Variants in CMTR1 observed in about 807,000 individuals in gnomAD.
The protein encoded by CMTR1 is cap-specific mRNA (nucleoside-2'-O-)-methyltransferase 1.
Under a neutral mutation model 107.0 loss-of-function variants are expected in CMTR1, and 39 were observed. The ratio of observed to expected loss-of-function variants is 0.36; its 90% CI spans 0.28 to 0.48. The LOEUF (loss-of-function observed/expected upper bound fraction) is 0.48. Ranked by LOEUF, CMTR1 falls within the 20% of genes least tolerant of loss-of-function variation. The pLI is 0.99. For missense variants in CMTR1, 672 were observed against 1,064.9 expected (o/e 0.63, Z 5.14); for synonymous variants, 366 against 379.5 (o/e 0.96, Z 0.41).
intron 8 of CMTR1, among the ~76,000 whole-genome samples, chr6:37,456,015 TGACCTATA>T (rs1761285468): frequency 6.6e-6 from 1 of 152,232 alleles, no homozygotes; most frequent in Non-Finnish European, 1.5e-5. Context: ...TTCCTGGCCA[TGACCTATA>T]AGGGCCATAC....
Position 37,461,549 on chromosome 6 carries a change from G to A in CMTR1, c.1096G>A (p.Gly366Ser). ...CCCATTCCTTGTGCTCTCATTTCAG[G>A]GTTTCTCGGTGGAGGGGCAGGAGAA... ...KGVHFLMADG[G>S]FSVEGQENLQ... The change falls in exon 11 of 24, where the codon GGT becomes AGT. Residue 366 changes from glycine to serine, a missense_variant and splice_region_variant. Transcript: ENST00000373451. 6.3e-7 allele frequency: 1 copy of A among 1,590,902 alleles called. No homozygotes were observed. The highest frequency in any genetic ancestry group is 1.1e-5 in the South Asian group (1 of 89,988).
chr6:37,480,440 T>C lies in CMTR1; in HGVS notation c.*295T>C, dbSNP rs1035505140. ...GGTCAGTGCCTAGGGCACGTGGGACTGATGGAGGACATATCAGAGTGGCAG... is the reference window on the plus strand; with the variant it reads ...GGTCAGTGCCTAGGGCACGTGGGACCGATGGAGGACATATCAGAGTGGCAG... On this transcript the variant is annotated 3_prime_UTR_variant, in exon 24 of 24. Transcript: ENST00000373451. The C allele has an allele frequency of 7.7e-5, 94 of 1,226,038 alleles. No individual in the cohort carries two copies. Among genetic ancestry groups the C allele is most frequent in the Non-Finnish European group, 9.1e-5 (89 of 981,130 alleles). The allele number at this position is 1,226,038 out of a possible 1,614,324, so 75.9% of individuals were successfully genotyped here.
At chr6:37,447,733 A>G (rs1297571181) in intron 4 of CMTR1, among the ~76,000 whole-genome samples, 1 of 151,906 alleles carries the variant, frequency 6.6e-6, no homozygotes, top group Non-Finnish European at 1.5e-5. Context: ...TGGGACTCAC[A>G]CCTGTAATTC....
At chr6:37,425,037 C>T in the CMTR1 span, among the ~76,000 whole-genome samples, 1 of 149,054 alleles carries the variant, frequency 6.7e-6, no homozygotes, top group Non-Finnish European at 1.5e-5. Flanking sequence ...CAACCTCTGC[C>T]TCCCAGGTTC....
At chr6:37,457,227 A>G (rs996488241) in intron 8 of CMTR1, among the ~76,000 whole-genome samples, 3 of 152,156 alleles carry the variant, frequency 2.0e-5, no homozygotes, top group Non-Finnish European at 2.9e-5. Flanking sequence ...CAAAAAAAAA[A>G]AAAACAAAAA....
chr6:37,462,727 A>G (rs762631470), intron 12 of CMTR1, 102 bp from the exon 13 acceptor site: 2 of 1,101,452 alleles, frequency 1.8e-6, no homozygotes, highest in Admixed American at 1.9e-5. Flanking sequence ...AAGGTTGAAC[A>G]GGGAAGCCAT....
intron 3 of CMTR1, among the ~76,000 whole-genome samples, chr6:37,445,789 G>A (rs896656754): frequency 5.9e-5 from 9 of 151,888 alleles, no homozygotes; most frequent in South Asian, 2.1e-4. Flanking sequence ...CACCGCGCCC[G>A]GTCCCATACC....
At chr6:37,463,293 G>A (rs1342560729) in intron 13 of CMTR1, among the ~76,000 whole-genome samples, 3 of 152,230 alleles carry the variant, frequency 2.0e-5, no homozygotes, top group Admixed American at 2.0e-4. Flanking sequence ...AGAGCAGCCT[G>A]TGTCCCTGGA....
chr6:37,479,088 C>A, intron 22 of CMTR1, 59 bp from the exon 23 acceptor site: 1 of 1,238,780 alleles, frequency 8.1e-7, no homozygotes, highest in Non-Finnish European at 1.2e-6. Context: ...AGGTACACGC[C>A]TGTCCTCCAC....
rs1375717077 is a variant in CMTR1 at position 37,435,620 on chromosome 6, A to G, written c.-6-4A>G. ...CAGCTGACTGACTGGATTTATGGTT[A>G]CAGTTAACGATGAAGAGGAGAACTG... On this transcript the variant is annotated splice_polypyrimidine_tract_variant and splice_region_variant and intron_variant, in intron 1 of 23. Transcript: ENST00000373451. 2 of 1,590,774 alleles carry G rather than the reference A, an allele frequency of 1.3e-6. No homozygotes were observed. The highest frequency in any genetic ancestry group is 1.7e-6 in the Non-Finnish European group (2 of 1,170,780).
intron 13 of CMTR1, among the ~76,000 whole-genome samples, chr6:37,469,753 C>T (rs1388567284): frequency 2.6e-5 from 4 of 151,876 alleles, no homozygotes; most frequent in African/African-American, 9.7e-5. Context: ...GTCTCGAACT[C>T]CTGACCTCAG....
chr6:37,480,325 G>C lies in CMTR1; in HGVS notation c.*180G>C. On this transcript the variant is annotated 3_prime_UTR_variant, in exon 24 of 24. Transcript: ENST00000373451. ...AAGAGCTCAGGCAGGGCCCTGCAGAGAACACTCATGTTCCTTCTGGGACAC... is the reference window on the plus strand; with the variant it reads ...AAGAGCTCAGGCAGGGCCCTGCAGACAACACTCATGTTCCTTCTGGGACAC... 7.1e-7 allele frequency: 1 copy of C among 1,399,650 alleles called. No individual in the cohort carries two copies. The highest frequency in any genetic ancestry group is 9.2e-7 in the Non-Finnish European group (1 of 1,090,034). The allele number at this position is 1,399,650 out of a possible 1,614,324, so 86.7% of individuals were successfully genotyped here. A position where few individuals can be genotyped will look rare whatever the true frequency, so the allele number is the denominator to read the frequency against.
At chr6:37,435,975 AT>A (rs1350089304) in intron 2 of CMTR1, among the ~76,000 whole-genome samples, 1 of 152,068 alleles carries the variant, frequency 6.6e-6, no homozygotes, top group Non-Finnish European at 1.5e-5. Context: ...AAAAATGGTA[AT>A]TTTTCCAGAA....
intron 2 of CMTR1, among the ~76,000 whole-genome samples, chr6:37,443,178 G>A (rs1199983009): frequency 1.3e-5 from 2 of 151,970 alleles, no homozygotes; most frequent in African/African-American, 4.8e-5. Context: ...CTTGTATATC[G>A]TTCCTTCCAA....
chr6:37,470,199 T>C lies in CMTR1; in HGVS notation c.1506-822T>C, dbSNP rs188542231. On this transcript the variant is annotated intron_variant, in intron 13 of 23. Transcript: ENST00000373451. ...TCTTGCACTGTTGCCCAGGCTGGAG[T>C]GCAGTGGCGCGATCTCGGCTCACTG... 3.1e-3 allele frequency among the ~76,000 whole-genome samples: 463 copies of C among 151,476 alleles called. 6 individuals are homozygous for C. Among genetic ancestry groups the C allele is most frequent in the African/African-American group, 0.01 (427 of 41,216 alleles).
rs539974302 is a variant in CMTR1, at chr6:37,465,230, G to A, written c.1505+2222G>A. 1.9e-4 allele frequency among the ~76,000 whole-genome samples: 28 copies of A among 151,212 alleles called. No homozygotes were observed. The South Asian group carries it at 4.2e-3, about 23-fold the overall frequency. ...TGCGGTGAGCCGAGATCGCGCCATC[G>A]TACTCCAGCCTGGGCAATGAGTGAG... On this transcript the variant is annotated intron_variant, in intron 13 of 23. Transcript: ENST00000373451.
chr6:37,446,592 G>T, intron 4 of CMTR1, 143 bp downstream of exon 4: 3 of 946,730 alleles, frequency 3.2e-6, no homozygotes, highest in South Asian at 3.3e-5. Context: ...AAGTACTGGG[G>T]ATATCCAGAA....
chr6:37,450,528 T>C (rs939932241), intron 5 of CMTR1, among the ~76,000 whole-genome samples, 185 bp downstream of exon 5: 4 of 152,186 alleles, frequency 2.6e-5, no homozygotes, highest in Admixed American at 2.6e-4. Context: ...CTTGGAGATA[T>C]GACAGGGTTT....
At chr6:37,430,388 T>TTA (rs555476305), upstream of CMTR1, among the ~76,000 whole-genome samples, 12,743 of 141,486 alleles carry the variant, frequency 0.09, 966 homozygotes, top group African/African-American at 0.2. Flanking sequence ...CTTGGGTATT[T>TTA]TATATATATA....
Sources: allele counts gnomAD v4.1 joint callset (sites outside exome capture counted in the v4.1 genomes callset), GRCh38; gene constraint gnomAD v4.1.1; transcripts MANE v1.5; gene names NCBI Gene and HGNC (gene_info 2026-07-23, HGNC 2026-07-21).